TENM3: variants seen among roughly 807,000 people sequenced by gnomAD.
TENM3 encodes the protein teneurin-3.
In TENM3, 63 loss-of-function variants were observed where a neutral mutation model predicts 255.1. The ratio of observed to expected loss-of-function variants is 0.25; its 90% confidence interval spans 0.20 to 0.30. The LOEUF (loss-of-function observed/expected upper bound fraction) is 0.30. Among genes scored for constraint, TENM3 ranks in the 10% least tolerant of loss-of-function variants. The pLI is 1.00. For synonymous variants in TENM3, 1,306 were observed against 1,322.3 expected, an observed-to-expected ratio of 0.99 and a Z score of 0.27; for missense variants, 2,929 against 3,461.1, an observed-to-expected ratio of 0.85 and a Z score of 3.86.
chr4:182,102,143 G>T, the TENM3 span, among the ~76,000 whole-genome samples: 1 of 152,208 alleles, frequency 6.6e-6, no homozygotes, highest in Non-Finnish European at 1.5e-5. Context: ...GCTGAGGCCT[G>T]TGTAGGAGCC....
chr4:181,956,113 C>G, the TENM3 span, among the ~76,000 whole-genome samples: 2 of 152,130 alleles, frequency 1.3e-5, no homozygotes, highest in African/African-American at 4.8e-5. Flanking sequence ...AGTGCCTTCT[C>G]TCCGTGTTCT....
At chr4:181,594,488 A>C in the TENM3 span, among the ~76,000 whole-genome samples, 2 of 152,148 alleles carry the variant, frequency 1.3e-5, no homozygotes, top group Non-Finnish European at 2.9e-5. Context: ...TCCAAACAAA[A>C]CAGCCTCCTT....
chr4:181,695,587 A>G, the TENM3 span, among the ~76,000 whole-genome samples: 1 of 152,146 alleles, frequency 6.6e-6, no homozygotes, highest in South Asian at 2.1e-4. Context: ...GTTGAGTGTG[A>G]ATTATCCTAC....
intron 16 of TENM3, 34 bp downstream of exon 16, chr4:182,731,173 C>T: frequency 1.3e-6 from 2 of 1,596,566 alleles, no homozygotes; most frequent in Non-Finnish European, 1.7e-6. Flanking sequence ...CTTGTAAATA[C>T]AAGATCTTCA....
the TENM3 span, among the ~76,000 whole-genome samples, chr4:181,514,773 C>T: frequency 5.3e-5 from 8 of 152,228 alleles, no homozygotes; most frequent in East Asian, 3.9e-4. Context: ...AGGTAATTTA[C>T]GAAACATTCT....
intron 3 of TENM3, chr4:182,449,091 AGCG>A (rs35591339): frequency 0.94 from 249,642 of 265,044 alleles, 118,408 homozygotes; most frequent in East Asian, 0.99. Context: ...AAGGTGGGTG[AGCG>A]GCGGCGGCGG....
At chr4:182,617,122 T>A (rs1024035416) in intron 4 of TENM3, among the ~76,000 whole-genome samples, 1 of 152,152 alleles carries the variant, frequency 6.6e-6, no homozygotes, top group Non-Finnish European at 1.5e-5. Flanking sequence ...AATGCGTGGG[T>A]AATAGTTAAT....
chr4:182,700,405 C>T (rs1757759566), intron 12 of TENM3, among the ~76,000 whole-genome samples: 1 of 152,182 alleles, frequency 6.6e-6, no homozygotes. Flanking sequence ...AACAGTCCCT[C>T]TCCCACCTCC....
At chr4:182,174,527 C>CACACAA (rs1554026055) in intron 1 of TENM3, among the ~76,000 whole-genome samples, 8,619 of 149,836 alleles carry the variant, frequency 0.058, 343 homozygotes, top group Non-Finnish European at 0.083. Context: ...CACACACACA[C>CACACAA]ACACAAACAC....
At chr4:182,005,958 G>GT in the TENM3 span, among the ~76,000 whole-genome samples, 2 of 152,154 alleles carry the variant, frequency 1.3e-5, no homozygotes, top group African/African-American at 4.8e-5. Flanking sequence ...ATCAGTTCAA[G>GT]TTTTTGGGCT....
chr4:182,406,459 G>A (rs1475917964), intron 3 of TENM3, among the ~76,000 whole-genome samples: 1 of 152,162 alleles, frequency 6.6e-6, no homozygotes, highest in Non-Finnish European at 1.5e-5. Flanking sequence ...GTAACTAATT[G>A]TAAATGTTAA....
chr4:182,800,605 A>G lies in TENM3; in HGVS notation c.*254A>G, dbSNP rs572046802. ...CTGAACGTAGCCAGAGGAAAAAAAAATCATCAAGGACAAAGGCCTCGACCT... is the reference window on the plus strand; with the variant it reads ...CTGAACGTAGCCAGAGGAAAAAAAAGTCATCAAGGACAAAGGCCTCGACCT... On this transcript the variant is annotated 3_prime_UTR_variant, in exon 28 of 28. Coordinates refer to ENST00000511685, the MANE Select transcript of TENM3 (RefSeq NM_001080477.4). 5.1e-6 allele frequency: 2 copies of G among 389,948 alleles called. No homozygotes were observed. The highest frequency in any genetic ancestry group is 4.7e-5 in the South Asian group (1 of 21,374). 24.2% of individuals were successfully genotyped at this position (389,948 alleles called of 1,614,324 possible).
chr4:181,967,641 T>C, the TENM3 span, among the ~76,000 whole-genome samples: 54 of 152,256 alleles, frequency 3.5e-4, no homozygotes, highest in African/African-American at 1.2e-3. Context: ...TGCTACGGGC[T>C]GATGATTTCT....
chr4:182,524,115 A>G (rs1020204050), intron 3 of TENM3, among the ~76,000 whole-genome samples: 4 of 152,086 alleles, frequency 2.6e-5, no homozygotes, highest in African/African-American at 9.7e-5. Context: ...TCCTCTTTTT[A>G]CGTTTAAAGT....
At chr4:181,802,130 G>T in the TENM3 span, among the ~76,000 whole-genome samples, 2 of 152,070 alleles carry the variant, frequency 1.3e-5, no homozygotes, top group Non-Finnish European at 2.9e-5. Flanking sequence ...TTCATTGATC[G>T]CAGTTTAACA....
chr4:182,240,054 A>G (rs1191432775), upstream of TENM3, among the ~76,000 whole-genome samples: 2 of 152,336 alleles, frequency 1.3e-5, no homozygotes, highest in East Asian at 3.9e-4. Context: ...GGGGAAAGTT[A>G]AGCAGCATTT....
intron 11 of TENM3, 139 bp downstream of exon 11, chr4:182,682,153 T>C (rs1365219202): frequency 1.4e-6 from 1 of 726,466 alleles, no homozygotes; most frequent in East Asian, 2.7e-5. Context: ...ATATTAAAAG[T>C]AATGATATGT....
intron 3 of TENM3, among the ~76,000 whole-genome samples, chr4:182,360,651 C>A (rs867115345): frequency 1.3e-5 from 2 of 152,118 alleles, no homozygotes; most frequent in Middle Eastern, 3.2e-3. Flanking sequence ...ATACAACACA[C>A]TGATGGGTCT....
the TENM3 span, among the ~76,000 whole-genome samples, chr4:181,835,437 CATTT>C: frequency 6.6e-6 from 1 of 152,160 alleles, no homozygotes; most frequent in African/African-American, 2.4e-5. Flanking sequence ...TAATTTCACA[CATTT>C]AGACTTCAAC....
Sources: gnomAD v4.1 joint callset for allele counts (sites outside exome capture counted in the v4.1 genomes callset) on GRCh38, gnomAD v4.1.1 for gene constraint, MANE v1.5 for transcripts, NCBI Gene and HGNC (gene_info 2026-07-23, HGNC 2026-07-21) for gene names.